Variants in SLC25A20 observed in about 807,000 individuals in gnomAD.
The protein encoded by SLC25A20 is solute carrier family 25 member 20.
A neutral mutation model predicts 39.7 loss-of-function variants in SLC25A20; 29 were observed. That is an observed-to-expected ratio of 0.73 (90% confidence interval 0.54 to 1.00). The LOEUF is 1.00. Ranked by LOEUF, SLC25A20 falls within the 50% of genes least tolerant of loss-of-function variation. The pLI is 0.00. For missense variants in SLC25A20, 333 were observed against 379.9 expected (o/e 0.88, Z 1.03); for synonymous variants, 103 against 142.2 (o/e 0.72, Z 1.96).
intron 1 of SLC25A20, among the ~76,000 whole-genome samples, chr3:48,895,421 G>A (rs918867952): frequency 6.6e-6 from 1 of 152,358 alleles, no homozygotes; most frequent in South Asian, 2.1e-4. Flanking sequence ...TTACAGGCGT[G>A]AGCCACCGCG....
intron 4 of SLC25A20, among the ~76,000 whole-genome samples, chr3:48,873,454 C>T (rs2106647306): frequency 6.7e-6 from 1 of 148,650 alleles, no homozygotes; most frequent in East Asian, 2.0e-4. Flanking sequence ...ACTGCAAATA[C>T]AAAAATGAGC....
intron 4 of SLC25A20, among the ~76,000 whole-genome samples, chr3:48,874,545 G>C (rs2083740434): frequency 6.6e-6 from 1 of 151,768 alleles, no homozygotes; most frequent in Non-Finnish European, 1.5e-5. Context: ...CCAGAGAAAT[G>C]GAGAAATGAA....
chr3:48,859,714 G>A (rs1358158360), intron 5 of SLC25A20, 87 bp from the exon 6 acceptor site: 11 of 1,063,010 alleles, frequency 1.0e-5, no homozygotes, highest in Non-Finnish European at 1.6e-5. Flanking sequence ...AGCAATTTAG[G>A]AGATTGAGGC....
chr3:48,891,637 G>A (rs147226055), intron 2 of SLC25A20, among the ~76,000 whole-genome samples: 212 of 152,208 alleles, frequency 1.4e-3, no homozygotes, highest in Non-Finnish European at 2.5e-3. Context: ...CCCCCAAAGC[G>A]CTAGGATTAG....
At chr3:48,875,337 G>A (rs1277966686) in intron 4 of SLC25A20, among the ~76,000 whole-genome samples, 9 of 151,878 alleles carry the variant, frequency 5.9e-5, no homozygotes, top group Admixed American at 5.9e-4. Context: ...TCCTGACCTC[G>A]TGATCCACCC....
At position 48,879,305 on chromosome 3, in the gene SLC25A20, C is replaced by T. The variant is rs189649001; in HGVS notation, c.417+53G>A. ...GGGTGAAAGGACATAAACATGCACA[C>T]GAAATTATAAACTGAAAGGAAAAAG... On this transcript the variant is annotated intron_variant, in intron 4 of 8. Coordinates refer to ENST00000319017, the MANE Select transcript of SLC25A20 (RefSeq NM_000387.6). 162 of 1,348,764 alleles carry T rather than the reference C, an allele frequency of 1.2e-4. 1 individual carries two copies. In the African/African-American group the frequency reaches 1.6e-3, roughly 13 times the overall value. The allele number at this position is 1,348,764 out of a possible 1,614,324, so 83.5% of individuals were successfully genotyped here.
chr3:48,891,193 G>A (rs1209310691), intron 2 of SLC25A20, among the ~76,000 whole-genome samples: 1 of 152,158 alleles, frequency 6.6e-6, no homozygotes, highest in Non-Finnish European at 1.5e-5. Flanking sequence ...TCGTGCCTCA[G>A]CCTCCCAAGT....
Position 48,859,111 on chromosome 3 carries a change from G to C in SLC25A20, c.699C>G (p.Leu233=). The C allele has an allele frequency of 1.9e-6, 3 of 1,613,896 alleles. No individual in the cohort carries two copies. Among genetic ancestry groups the C allele is most frequent in the Non-Finnish European group, 2.5e-6 (3 of 1,179,922 alleles). Reference sequence around the variant, plus strand: ...ACTCACCAGTCTGGAATCGAGACTTGAGCACATCTGGGGGGATTGCCACAG... The same window carrying C: ...ACTCACCAGTCTGGAATCGAGACTTCAGCACATCTGGGGGGATTGCCACAG... ...NWAVAIPPDV[L]KSRFQTAPPG... is the part of the protein sequence containing the mutation. The change falls in exon 7 of 9, where the codon CTC becomes CTG. Residue 233 remains leucine, a synonymous_variant. Transcript: ENST00000319017.
chr3:48,860,096 T>A (rs1199573123), intron 5 of SLC25A20, among the ~76,000 whole-genome samples: 1 of 143,274 alleles, frequency 7.0e-6, no homozygotes, highest in East Asian at 2.1e-4. Context: ...AGGTCAGGAG[T>A]TTGAGACCAG....
intron 5 of SLC25A20, 113 bp from the exon 6 acceptor site, chr3:48,859,740 G>T (rs1367079888): frequency 2.3e-6 from 2 of 856,410 alleles, no homozygotes; most frequent in Admixed American, 3.5e-5. Flanking sequence ...GATTGCTTGA[G>T]GCCAGGAGGT....
chr3:48,893,887 G>A (rs553617013), intron 1 of SLC25A20, among the ~76,000 whole-genome samples: 3 of 147,422 alleles, frequency 2.0e-5, no homozygotes, highest in South Asian at 2.1e-4. Context: ...GAGGCCAGGC[G>A]CGGTGGCTCA....
intron 4 of SLC25A20, among the ~76,000 whole-genome samples, chr3:48,866,123 A>G (rs1479871755): frequency 6.7e-6 from 1 of 149,914 alleles, no homozygotes. Flanking sequence ...ACAGAGCGAG[A>G]CTCTGTCTCA....
intron 4 of SLC25A20, among the ~76,000 whole-genome samples, chr3:48,863,665 CACTT>C (rs1213085718): frequency 6.6e-6 from 1 of 152,158 alleles, no homozygotes; most frequent in Non-Finnish European, 1.5e-5. Flanking sequence ...CAAAGAGAAA[CACTT>C]ACAAATACAT....
At chr3:48,866,709 C>A (rs1208960606) in intron 4 of SLC25A20, among the ~76,000 whole-genome samples, 1 of 15,486 alleles carries the variant, frequency 6.5e-5, no homozygotes, top group Non-Finnish European at 9.5e-5. Context: ...CTGCTCACTG[C>A]AGGCTCAACT....
intron 1 of SLC25A20, among the ~76,000 whole-genome samples, chr3:48,896,140 C>CACAA (rs1283355240): frequency 1.5e-3 from 107 of 69,766 alleles, no homozygotes; most frequent in African/African-American, 5.2e-3. Flanking sequence ...AGTCTTGTCT[C>CACAA]AAAAAAAAAA....
chr3:48,859,124 G>A lies in SLC25A20; in HGVS notation c.686C>T (p.Pro229Leu), dbSNP rs1324590016. 3.1e-6 allele frequency: 5 copies of A among 1,613,916 alleles called. No homozygotes were observed. The highest frequency in any genetic ancestry group is 4.2e-6 in the Non-Finnish European group (5 of 1,180,016). Residue 229 changes from proline to leucine, a missense_variant, in exon 7 of 9, where the codon CCC (proline) becomes CTC (leucine). By Grantham distance (98) the Pro-to-Leu change is moderately conservative. Coordinates refer to ENST00000319017, the MANE Select transcript of SLC25A20 (RefSeq NM_000387.6). Reference protein sequence around the residue: ...AGIFNWAVAIPPDVLKSRFQT... With the variant: ...AGIFNWAVAILPDVLKSRFQT... The stretch of plus-strand genomic sequence containing the variant: ...GAATCGAGACTTGAGCACATCTGGG[G>A]GGATTGCCACAGCCCAGTTGAAGAT...
intron 4 of SLC25A20, among the ~76,000 whole-genome samples, chr3:48,863,263 G>A (rs544681718): frequency 3.0e-4 from 45 of 152,288 alleles, no homozygotes; most frequent in Admixed American, 2.4e-3. Context: ...GGTCTAAAAA[G>A]GAAGCGACAA....
At chr3:48,874,817 C>T (rs953470048) in intron 4 of SLC25A20, among the ~76,000 whole-genome samples, 1 of 151,866 alleles carries the variant, frequency 6.6e-6, no homozygotes, top group African/African-American at 2.4e-5. Context: ...GAGGCAGAGG[C>T]AGGAGGATCA....
chr3:48,882,723 T>C (rs2083803142), intron 3 of SLC25A20, among the ~76,000 whole-genome samples: 3 of 151,906 alleles, frequency 2.0e-5, no homozygotes, highest in African/African-American at 7.2e-5. Flanking sequence ...CGACCATTGC[T>C]AAAAAAAATT....
Sources: gnomAD v4.1 joint callset for allele counts (sites outside exome capture counted in the v4.1 genomes callset) on GRCh38, gnomAD v4.1.1 for gene constraint, MANE v1.5 for transcripts, NCBI Gene and HGNC (gene_info 2026-07-23, HGNC 2026-07-21) for gene names.